Variants in PHTF2 observed in about 807,000 individuals in gnomAD.
PHTF2 encodes the protein putative homeodomain transcription factor 2.
Under a neutral mutation model 101.2 loss-of-function variants are expected in PHTF2, and 60 were observed. The observed-to-expected ratio is 0.59, with a 90% confidence interval of 0.48 to 0.73. The LOEUF is 0.73. Among genes scored for constraint, PHTF2 ranks in the 30% least tolerant of loss-of-function variants. The probability of loss-of-function intolerance (pLI) is 0.00; values close to 1 mark genes in which losing one functional copy is unlikely to be tolerated. For synonymous variants in PHTF2, 311 were observed against 307.3 expected (o/e 1.01, Z -0.13); for missense variants, 747 against 908.7 (o/e 0.82, Z 2.29).
chr7:77,932,436 CT>C (rs1297059514), intron 12 of PHTF2, among the ~76,000 whole-genome samples: 1 of 151,998 alleles, frequency 6.6e-6, no homozygotes, highest in Admixed American at 6.6e-5. Context: ...GCCTGATGAT[CT>C]TTTTTCCGTG....
At chr7:77,911,538 A>G (rs1802399825) in intron 9 of PHTF2, among the ~76,000 whole-genome samples, 1 of 152,230 alleles carries the variant, frequency 6.6e-6, no homozygotes, top group Non-Finnish European at 1.5e-5. Context: ...GTACTTAATC[A>G]AGAAAAGGGA....
chr7:77,921,822 C>T (rs990362979), intron 10 of PHTF2, among the ~76,000 whole-genome samples: 1 of 152,070 alleles, frequency 6.6e-6, no homozygotes, highest in Non-Finnish European at 1.5e-5. Context: ...ATATCTTTTA[C>T]AAATTGATGT....
At chr7:77,855,928 G>A (rs778829849) in intron 3 of PHTF2, among the ~76,000 whole-genome samples, 3 of 152,028 alleles carry the variant, frequency 2.0e-5, no homozygotes, top group Non-Finnish European at 4.4e-5. Context: ...CCTTGATAAG[G>A]GTTAAAACAA....
In PHTF2 at chr7:77,915,587, A is replaced by G. The variant is rs150424974; in HGVS notation, c.777-4692A>G. Among the ~76,000 whole-genome samples, 12 of 152,304 alleles carry G rather than the reference A, an allele frequency of 7.9e-5. 1 individual carries two copies. The East Asian group carries it at 2.3e-3, about 29-fold the overall frequency. On this transcript the variant is annotated intron_variant, in intron 9 of 19. Coordinates refer to ENST00000416283, the Ensembl canonical transcript of PHTF2. ...AGGAGTAAGGTAATAAATTACTACA[A>G]TATTTGCAATTTACAAAAAAACATT...
At chr7:77,890,462 G>C (rs938842589) in intron 3 of PHTF2, among the ~76,000 whole-genome samples, 1 of 152,038 alleles carries the variant, frequency 6.6e-6, no homozygotes, top group Non-Finnish European at 1.5e-5. Context: ...TAGTTACTTT[G>C]TAGACAAGTT....
chr7:77,952,390 AC>A (rs1806627461), intron 18 of PHTF2, among the ~76,000 whole-genome samples: 1 of 152,206 alleles, frequency 6.6e-6, no homozygotes, highest in Non-Finnish European at 1.5e-5. Context: ...TCTTCAGTCA[AC>A]TAAACAGTGT....
intron 1 of PHTF2, among the ~76,000 whole-genome samples, chr7:77,810,099 G>C (rs545438964): frequency 1.3e-4 from 20 of 152,092 alleles, no homozygotes; most frequent in African/African-American, 4.6e-4. Context: ...CAATAATAAG[G>C]AATTCCTGTA....
At chr7:77,928,362 CT>C (rs1804254268) in intron 11 of PHTF2, among the ~76,000 whole-genome samples, 1 of 151,992 alleles carries the variant, frequency 6.6e-6, no homozygotes, top group Admixed American at 6.6e-5. Context: ...TAATTTTTTA[CT>C]TTTATACCAC....
chr7:77,864,303 CTCTT>C (rs1312611416), intron 3 of PHTF2, among the ~76,000 whole-genome samples: 2 of 152,134 alleles, frequency 1.3e-5, no homozygotes, highest in Non-Finnish European at 2.9e-5. Context: ...ACCTTCATTA[CTCTT>C]TCATTCTTGT....
intron 1 of PHTF2, among the ~76,000 whole-genome samples, chr7:77,825,403 A>G (rs1442624049): frequency 1.3e-5 from 2 of 152,206 alleles, no homozygotes; most frequent in African/African-American, 4.8e-5. Context: ...AAAGTCAAGG[A>G]AAAATCCTTG....
chr7:77,908,696 A>G (rs1342161255), intron 7 of PHTF2, 97 bp from the exon 7 acceptor site: 1 of 753,412 alleles, frequency 1.3e-6, no homozygotes, highest in Non-Finnish European at 2.0e-6. Flanking sequence ...ATTTAGAAAA[A>G]TATTTTGGCA....
chr7:77,850,978 T>C (rs1796715395), intron 2 of PHTF2, among the ~76,000 whole-genome samples: 1 of 152,236 alleles, frequency 6.6e-6, no homozygotes, highest in Non-Finnish European at 1.5e-5. Flanking sequence ...TACTTGGTCA[T>C]GATGAATGAT....
intron 1 of PHTF2, among the ~76,000 whole-genome samples, chr7:77,828,565 C>G (rs969568335): frequency 1.3e-5 from 2 of 152,148 alleles, no homozygotes. Context: ...AATTCCAGCA[C>G]TTTGGGAGGC....
At chr7:77,811,767 T>C (rs1793462095) in intron 1 of PHTF2, among the ~76,000 whole-genome samples, 1 of 152,194 alleles carries the variant, frequency 6.6e-6, no homozygotes, top group Admixed American at 6.5e-5. Flanking sequence ...TGTTGATTTC[T>C]TTTACTATGA....
At position 77,894,016 on chromosome 7, in the gene PHTF2, C is replaced by T. The variant is rs201307723; in HGVS notation, c.216+23C>T. 6.5e-5 allele frequency: 101 copies of T among 1,562,630 alleles called. 1 individual carries two copies. Among genetic ancestry groups the T allele is most frequent in the South Asian group, 3.0e-4 (27 of 89,984 alleles). On this transcript the variant is annotated intron_variant, in intron 5 of 19. Coordinates refer to ENST00000416283, the Ensembl canonical transcript of PHTF2. ...CTGGTAAGTGTTTCAGGATTTTTCC[C>T]GCCTGAGTGATCCTGTGCAAATGCT...
intron 2 of PHTF2, among the ~76,000 whole-genome samples, chr7:77,840,844 A>G (rs1795809865): frequency 6.6e-6 from 1 of 152,068 alleles, no homozygotes. Flanking sequence ...ATAAAGTCCA[A>G]AAGAATATAG....
Position 77,947,837 on chromosome 7 carries a change from CTTTTTTT to C in PHTF2, c.1960-1829_1960-1823del, listed in dbSNP as rs71082798. ...TTATTTTCTTTTTTCTTTTTTCTTT[CTTTTTTT>C]TTTTTTTTTTTGAGACAGAGTCTTT... On this transcript the variant is annotated intron_variant, in intron 16 of 19. Coordinates refer to ENST00000416283, the Ensembl canonical transcript of PHTF2. Among the ~76,000 whole-genome samples the C allele has an allele frequency of 1.2e-3, 92 of 73,802 alleles. 4 individuals are homozygous for C. The highest frequency in any genetic ancestry group is 4.8e-3 in the African/African-American group (84 of 17,474). 48.4% of individuals were successfully genotyped at this position (73,802 alleles called of 152,430 possible).
chr7:77,845,773 T>C (rs938445534), intron 2 of PHTF2, among the ~76,000 whole-genome samples: 1 of 152,192 alleles, frequency 6.6e-6, no homozygotes, highest in Non-Finnish European at 1.5e-5. Flanking sequence ...CAAAACCATG[T>C]GCAGTCATTT....
chr7:77,957,341 C>A (rs767278158), exon 20 of PHTF2: 5 of 151,506 alleles, frequency 3.3e-5, no homozygotes, highest in Admixed American at 3.3e-4. Flanking sequence ...TTATAACTTT[C>A]CAACATTTTA....
Sources: allele counts gnomAD v4.1 joint callset (sites outside exome capture counted in the v4.1 genomes callset), GRCh38; gene constraint gnomAD v4.1.1; transcripts MANE v1.5; gene names NCBI Gene and HGNC (gene_info 2026-07-23, HGNC 2026-07-21).